CEBPE: variants seen among roughly 807,000 people sequenced by gnomAD.
CEBPE encodes the protein CCAAT enhancer binding protein epsilon, also known as CCAAT/enhancer-binding protein epsilon.
Under a neutral mutation model 20.4 loss-of-function variants are expected in CEBPE, and 10 were observed. The ratio of observed to expected loss-of-function variants is 0.49; its 90% CI spans 0.30 to 0.83. CEBPE has a LOEUF of 0.83. Among genes scored for constraint, CEBPE ranks in the 40% least tolerant of loss-of-function variants. CEBPE has a pLI of 0.06. For missense variants in CEBPE, 389 were observed against 383.3 expected, an observed-to-expected ratio of 1.01 and a Z score of -0.12; for synonymous variants, 179 against 162.6, an observed-to-expected ratio of 1.10 and a Z score of -0.77.
In CEBPE at chr14:23,118,907, G is replaced by A; in HGVS notation, c.185C>T (p.Pro62Leu). The change falls in exon 1 of 2, where the codon CCA becomes CTA. Residue 62 changes from proline to leucine, a missense_variant. Transcript: ENST00000206513. This position sits in a 1 kb window ranked among gnomAD's most constrained non-coding sequence, Gnocchi z 5.5. ...QLLSDLFAVK[P>L]APEARGLKGP... ...CTTGAGGCCTCTGGCCTCAGGCGCT[G>A]GCTTCACGGCAAAGAGATCGGAGAG... 1 of 1,614,090 alleles carries A rather than the reference G, an allele frequency of 6.2e-7. No individual in the cohort carries two copies.
chr14:23,117,344 T>G lies in CEBPE; in HGVS notation c.*143A>C. 1.3e-6 allele frequency: 1 copy of G among 778,780 alleles called. No individual in the cohort carries two copies. Among genetic ancestry groups the G allele is most frequent in the Non-Finnish European group, 2.1e-6 (1 of 471,498 alleles). 48.2% of individuals were successfully genotyped at this position (778,780 alleles called of 1,614,324 possible). On this transcript the variant is annotated 3_prime_UTR_variant, in exon 2 of 2. Coordinates refer to ENST00000206513, the MANE Select transcript of CEBPE (RefSeq NM_001805.4). ...CAACTTTATTCAGCCATATAATCAT[T>G]ATGCTGGGTCCTGCCCTCTTTGCCA...
rs1396196056 is a variant in CEBPE, at chr14:23,119,022, G to A, written c.70C>T (p.Arg24Ter). Residue 24 changes from arginine (R) to a stop codon, truncating the protein, a stop_gained, in exon 1 of 2, where the codon CGA becomes TGA. Transcript: ENST00000206513. LOFTEE classifies it high-confidence loss of function. The stretch of plus-strand genomic sequence containing the variant: ...TCCCCTAGCTCCCCGGGCCCAGCTC[G>A]GCCCCCTGAGAACTCGAGTGGCTGC... ...GQQPLEFSGG[R>*]AGPGELGDMC... is the part of the protein sequence containing the mutation. 13 of 1,612,940 alleles carry A rather than the reference G, an allele frequency of 8.1e-6. No homozygotes were observed. The highest frequency in any genetic ancestry group is 1.1e-5 in the South Asian group (1 of 91,060).
At position 23,119,119 on chromosome 14, in the gene CEBPE, C is replaced by A. The variant is rs1224072076; in HGVS notation, c.-28G>T. 6.6e-7 allele frequency: 1 copy of A among 1,514,580 alleles called. No homozygotes were observed. The highest frequency in any genetic ancestry group is 1.2e-5 in the South Asian group (1 of 85,970). 93.8% of individuals were successfully genotyped at this position (1,514,580 alleles called of 1,614,324 possible). A position where few individuals can be genotyped will look rare whatever the true frequency, so the allele number is the denominator to read the frequency against. ...CCGGCCCGCCCCCTCGGCTCCCCGC[C>A]CCCACCTGCTCTTGAGGCACCCCTT... On this transcript the variant is annotated 5_prime_UTR_variant, in exon 1 of 2. Transcript: ENST00000206513.
rs1266107483 is a variant in CEBPE at position 23,118,332 on chromosome 14, C to T, written c.510+250G>A. On this transcript the variant is annotated intron_variant, in intron 1 of 1. Coordinates refer to ENST00000206513, the MANE Select transcript of CEBPE (RefSeq NM_001805.4). The surrounding 1 kb of genome is among the most constrained non-coding windows in gnomAD (Gnocchi z 5.5). ...GCATGGTGAGCAGCAGAGAGGCTGG[C>T]GGTGGGGGCCTGAGATCAAGTAGGT... Among the ~76,000 whole-genome samples, 5 of 151,032 alleles carry T rather than the reference C, an allele frequency of 3.3e-5. No individual in the cohort carries two copies. The highest frequency in any genetic ancestry group is 3.9e-4 in the East Asian group (2 of 5,090).
Position 23,117,491 on chromosome 14 carries a change from C to G in CEBPE, c.842G>C (p.Ser281Thr). 6.2e-7 allele frequency: 1 copy of G among 1,611,224 alleles called. No individual in the cohort carries two copies. The highest frequency in any genetic ancestry group is 1.7e-5 in the Admixed American group (1 of 59,838). Residue 281 changes from serine to threonine, a missense_variant, in exon 2 of 2, where the codon AGC (serine) becomes ACC (threonine). Coordinates refer to ENST00000206513, the MANE Select transcript of CEBPE (RefSeq NM_001805.4). ...CCCACAATCCACCAGCCAGCCTCAG[C>G]TGCAACCCCCCACGCCCTTGATGAG... Reference protein sequence around the residue: ...ANLIKGVGGCS With the variant: ...ANLIKGVGGCT
At position 23,117,455 on chromosome 14, in the gene CEBPE, G is replaced by A. The variant is rs764284282; in HGVS notation, c.*32C>T. 1.2e-5 allele frequency: 19 copies of A among 1,590,242 alleles called. No individual in the cohort carries two copies. The East Asian group carries it at 4.4e-4, about 37-fold the overall frequency. ...GGTCCGCAGAGTTAGGCCGTGCCAG[G>A]GAGCCTGGTGCCCACAATCCACCAG... is the stretch of plus-strand genomic sequence containing the variant. On this transcript the variant is annotated 3_prime_UTR_variant, in exon 2 of 2. Coordinates refer to ENST00000206513, the MANE Select transcript of CEBPE (RefSeq NM_001805.4).
rs368706357 is a variant in CEBPE at position 23,118,813 on chromosome 14, A to G, written c.279T>C (p.His93=). Residue 93 remains histidine (H), a synonymous_variant, in exon 1 of 2, where the codon CAT becomes CAC. Coordinates refer to ENST00000206513, the MANE Select transcript of CEBPE (RefSeq NM_001805.4). This position sits in a 1 kb window ranked among gnomAD's most constrained non-coding sequence, Gnocchi z 5.5. ...GCGCCTTCCTGTCTGGGCCGAAGGTATGTGGAGGGTAGGCAAAGGGCCGAG... is the reference window on the plus strand; with the variant it reads ...GCGCCTTCCTGTCTGGGCCGAAGGTGTGTGGAGGGTAGGCAAAGGGCCGAG... ...PDPRPFAYPP[H]TFGPDRKALG... The G allele has an allele frequency of 1.1e-5, 18 of 1,613,436 alleles. No individual in the cohort carries two copies. The highest frequency in any genetic ancestry group is 1.6e-4 in the Middle Eastern group (1 of 6,082).
In CEBPE at chr14:23,119,117, GC is replaced by G; in HGVS notation, c.-27del. On this transcript the variant is annotated 5_prime_UTR_variant, in exon 1 of 2. Transcript: ENST00000206513. ...GGCCGGCCCGCCCCCTCGGCTCCCC[GC>G]CCCCACCTGCTCTTGAGGCACCCCT... 3.2e-6 allele frequency: 3 copies of G among 949,862 alleles called. No individual in the cohort carries two copies. The highest frequency in any genetic ancestry group is 4.2e-6 in the Non-Finnish European group (3 of 715,262). The allele number at this position is 949,862 out of a possible 1,614,324, so 58.8% of individuals were successfully genotyped here.
Position 23,118,682 on chromosome 14 carries a change from C to G in CEBPE, c.410G>C (p.Ser137Thr). The G allele has an allele frequency of 6.2e-7, 1 of 1,613,184 alleles. No individual in the cohort carries two copies. The highest frequency in any genetic ancestry group is 8.5e-7 in the Non-Finnish European group (1 of 1,179,944). ...PEGSRAASRGSYNPLQYQVAH... is the reference protein window; with the variant it reads ...PEGSRAASRGTYNPLQYQVAH... ...CACTTGGTACTGCAGGGGATTGTAG[C>G]TGCCTCGGCTGGCAGCTCGGCTGCC... Residue 137 changes from serine to threonine, a missense_variant, in exon 1 of 2, where the codon AGC becomes ACC. Around this residue, in one of 3 missense-constraint regions of CEBPE, gnomAD observed 294 missense variants for 279.7 expected, o/e 1.05. Coordinates refer to ENST00000206513, the MANE Select transcript of CEBPE (RefSeq NM_001805.4). This position sits in a 1 kb window ranked among gnomAD's most constrained non-coding sequence, Gnocchi z 5.5.
In CEBPE at chr14:23,118,865, G is replaced by A. The variant is rs1370239075; in HGVS notation, c.227C>T (p.Ala76Val). The change falls in exon 1 of 2, where the codon GCC becomes GTC. Residue 76 changes from alanine to valine, a missense_variant. Physicochemically the swap from Ala to Val is moderately conservative, Grantham distance 64. This residue lies in a region of CEBPE where 294 missense variants were observed against 279.7 expected (regional missense o/e 1.05). Coordinates refer to ENST00000206513, the MANE Select transcript of CEBPE (RefSeq NM_001805.4). The surrounding 1 kb of genome is among the most constrained non-coding windows in gnomAD (Gnocchi z 5.5). Reference protein sequence around the residue: ...ARGLKGPGTPAFPHYLPPDPR... With the variant: ...ARGLKGPGTPVFPHYLPPDPR... ...GTCAGGCGGCAAGTAGTGGGGGAAG[G>A]CAGGGGTTCCGGGGCCCTTGAGGCC... 23 of 1,613,926 alleles carry A rather than the reference G, an allele frequency of 1.4e-5. No homozygotes were observed. Among genetic ancestry groups the A allele is most frequent in the Non-Finnish European group, 1.9e-5 (22 of 1,179,976 alleles).
Position 23,119,088 on chromosome 14 carries a change from A to ACATG in CEBPE, c.-1_3dup (p.Ser2HisfsTer10), listed in dbSNP as rs766086647. 7.5e-6 allele frequency: 12 copies of ACATG among 1,599,066 alleles called. No homozygotes were observed. The highest frequency in any genetic ancestry group is 1.8e-4 in the Middle Eastern group (1 of 5,644). On this transcript the variant is annotated frameshift_variant, in exon 1 of 2. Transcript: ENST00000206513. LOFTEE classifies it high-confidence loss of function. Reference sequence around the variant, plus strand: ...TCACACTCGTAGTAGGTCCCGTGGGACATGGCCGGCCCGCCCCCTCGGCTC... The same window carrying ACATG: ...TCACACTCGTAGTAGGTCCCGTGGGACATGCATGGCCGGCCCGCCCCCTCGGCTC...
At position 23,117,726 on chromosome 14, in the gene CEBPE, C is replaced by G; in HGVS notation, c.607G>C (p.Asp203His). ...LHKGKKAVNK[D>H]SLEYRLRRER... is the part of the protein sequence containing the mutation. ...CGCCTCAGCCGGTACTCAAGGCTAT[C>G]TTTGTTCACTGCCTTCTTGCCCTTG... Residue 203 changes from aspartate to histidine, a missense_variant, in exon 2 of 2, where the codon GAT (aspartate) becomes CAT (histidine). This residue lies in a region of CEBPE where 294 missense variants were observed against 279.7 expected (regional missense o/e 1.05). Transcript: ENST00000206513. The G allele has an allele frequency of 1.9e-6, 3 of 1,614,138 alleles. No individual in the cohort carries two copies. Among genetic ancestry groups the G allele is most frequent in the Non-Finnish European group, 2.5e-6 (3 of 1,180,040 alleles).
Position 23,117,550 on chromosome 14 carries a change from G to T in CEBPE, c.783C>A (p.Arg261=). 1.9e-6 allele frequency: 3 copies of T among 1,614,016 alleles called. No individual in the cohort carries two copies. Among genetic ancestry groups the T allele is most frequent in the East Asian group, 2.2e-5 (1 of 44,872 alleles). Residue 261 remains arginine, a synonymous_variant, in exon 2 of 2, where the codon CGC becomes CGA. Coordinates refer to ENST00000206513, the MANE Select transcript of CEBPE (RefSeq NM_001805.4). Reference sequence around the variant, plus strand: ...CCTCAGGAATCTGGCGGAAGAGGTTGCGGAGGGTGTCTAGCTCCTGGGTGA... The same window carrying T: ...CCTCAGGAATCTGGCGGAAGAGGTTTCGGAGGGTGTCTAGCTCCTGGGTGA... ...EQLTQELDTL[R]NLFRQIPEAA...
chr14:23,117,677 C>G lies in CEBPE; in HGVS notation c.656G>C (p.Arg219Pro). The G allele has an allele frequency of 1.2e-6, 2 of 1,614,176 alleles. No homozygotes were observed. The highest frequency in any genetic ancestry group is 1.7e-6 in the Non-Finnish European group (2 of 1,180,052). Residue 219 changes from arginine (R) to proline (P), a missense_variant, in exon 2 of 2, where the codon CGC (arginine) becomes CCC (proline). Arg to Pro is a moderately radical substitution (Grantham distance 103). This residue lies in a region of CEBPE where 8 missense variants were observed against 25.2 expected (regional missense o/e 0.32). Transcript: ENST00000206513. ...LRRERNNIAV[R>P]KSRDKAKRRI... ...CCTCTTGGCCTTGTCTCGGCTCTTG[C>G]GCACGGCGATGTTGTTGCGCTCCCG... is the stretch of plus-strand genomic sequence containing the variant.
Position 23,118,547 on chromosome 14 carries a change from C to T in CEBPE, c.510+35G>A. ...CCTGTCCACACCAGCCTCTCCAGCCCCGGGCAGGAGGGAGGAGGGCTGGCC... is the reference window on the plus strand; with the variant it reads ...CCTGTCCACACCAGCCTCTCCAGCCTCGGGCAGGAGGGAGGAGGGCTGGCC... On this transcript the variant is annotated intron_variant, in intron 1 of 1. Transcript: ENST00000206513. This position sits in a 1 kb window ranked among gnomAD's most constrained non-coding sequence, Gnocchi z 5.5. The T allele has an allele frequency of 6.3e-7, 1 of 1,587,606 alleles. No individual in the cohort carries two copies. Among genetic ancestry groups the T allele is most frequent in the Admixed American group, 1.7e-5 (1 of 57,402 alleles).
chr14:23,117,777 C>T lies in CEBPE; in HGVS notation c.556G>A (p.Ala186Thr), dbSNP rs1294112166. Reference sequence around the variant, plus strand: ...TGTAAGGGGCCAGCCGGGGAGGGCGCCTTCAGGAGGGGACTGCAGGGGGGT... The same window carrying T: ...TGTAAGGGGCCAGCCGGGGAGGGCGTCTTCAGGAGGGGACTGCAGGGGGGT... ...AAPPCSPLLK[A>T]PSPAGPLHKG... is the part of the protein sequence containing the mutation. Residue 186 changes from alanine (A) to threonine (T), a missense_variant, in exon 2 of 2, where the codon GCG (alanine) becomes ACG (threonine). This residue lies in a region of CEBPE where 294 missense variants were observed against 279.7 expected (regional missense o/e 1.05). Transcript: ENST00000206513. 6.2e-7 allele frequency: 1 copy of T among 1,612,306 alleles called. No homozygotes were observed. The highest frequency in any genetic ancestry group is 1.1e-5 in the South Asian group (1 of 91,080).
chr14:23,117,836 CA>C lies in CEBPE; in HGVS notation c.511-15del. 1 of 1,583,872 alleles carries C rather than the reference CA, an allele frequency of 6.3e-7. No homozygotes were observed. The highest frequency in any genetic ancestry group is 8.6e-7 in the Non-Finnish European group (1 of 1,164,562). On this transcript the variant is annotated splice_polypyrimidine_tract_variant and intron_variant, in intron 1 of 1. Transcript: ENST00000206513. ...GGCCAAAGGGGCCTGGAGGGGAAGG[CA>C]CGGAGAGACGGAGAGGTGAGGGCTG... is the stretch of plus-strand genomic sequence containing the variant.
In CEBPE at chr14:23,118,740, C is replaced by T. The variant is rs749080899; in HGVS notation, c.352G>A (p.Val118Met). 1.9e-6 allele frequency: 3 copies of T among 1,613,302 alleles called. No individual in the cohort carries two copies. Among genetic ancestry groups the T allele is most frequent in the Non-Finnish European group, 2.5e-6 (3 of 1,179,786 alleles). The change falls in exon 1 of 2, where the codon GTG becomes ATG. Residue 118 changes from valine to methionine, a missense_variant. Val to Met is a conservative substitution (Grantham distance 21). This residue lies in a region of CEBPE where 294 missense variants were observed against 279.7 expected (regional missense o/e 1.05). Transcript: ENST00000206513. This position sits in a 1 kb window ranked among gnomAD's most constrained non-coding sequence, Gnocchi z 5.5. ...SSPGSYDPRA[V>M]AVKEEPRGPE... ...CCCCGGGGCTCCTCCTTCACCGCCA[C>T]AGCCCTGGGGTCGTAGCTCCCTGGG...
At position 23,117,722 on chromosome 14, in the gene CEBPE, C is replaced by G. The variant is rs760759078; in HGVS notation, c.611G>C (p.Ser204Thr). 8 of 1,614,032 alleles carry G rather than the reference C, an allele frequency of 5.0e-6. No homozygotes were observed. Among genetic ancestry groups the G allele is most frequent in the African/African-American group, 1.3e-5 (1 of 74,942 alleles). Residue 204 changes from serine (S) to threonine (T), a missense_variant, in exon 2 of 2, where the codon AGC (serine) becomes ACC (threonine). Ser to Thr is a moderately conservative substitution (Grantham distance 58). Coordinates refer to ENST00000206513, the MANE Select transcript of CEBPE (RefSeq NM_001805.4). ...CTCCCGCCTCAGCCGGTACTCAAGG[C>G]TATCTTTGTTCACTGCCTTCTTGCC... ...HKGKKAVNKD[S>T]LEYRLRRERN...
Sources: gnomAD v4.1 joint callset for allele counts (sites outside exome capture counted in the v4.1 genomes callset) on GRCh38, gnomAD v4.1.1 for gene constraint, gnomAD v4.1.1 regional missense constraint, Gnocchi (gnomAD v3.1) non-coding constraint, MANE v1.5 for transcripts, NCBI Gene and HGNC (gene_info 2026-07-23, HGNC 2026-07-21) for gene names.